SCNN1B: variants seen among roughly 807,000 people sequenced by gnomAD.
The protein encoded by SCNN1B is epithelial sodium channel subunit beta.
A neutral mutation model predicts 65.3 loss-of-function variants in SCNN1B; 46 were observed. That is an observed-to-expected ratio of 0.70 (90% CI 0.56 to 0.90). The LOEUF (loss-of-function observed/expected upper bound fraction) is 0.90, where lower values mean the gene tolerates loss of function less well. Among genes scored for constraint, SCNN1B ranks in the 40% least tolerant of loss-of-function variants. The pLI is 0.00. For missense variants in SCNN1B, 751 were observed against 830.5 expected (o/e 0.90, Z 1.18); for synonymous variants, 349 against 330.6 (o/e 1.06, Z -0.60).
chr16:23,322,844 G>C (rs538908995), intron 1 of SCNN1B, among the ~76,000 whole-genome samples: 1 of 152,144 alleles, frequency 6.6e-6, no homozygotes, highest in Non-Finnish European at 1.5e-5. Flanking sequence ...TACGTGTGCA[G>C]TTCAGTGGTC....
chr16:23,371,394 T>C lies in SCNN1B; in HGVS notation c.976T>C (p.Tyr326His), dbSNP rs1386482774. 6.2e-7 allele frequency: 1 copy of C among 1,614,116 alleles called. No individual in the cohort carries two copies. The highest frequency in any genetic ancestry group is 8.5e-7 in the Non-Finnish European group (1 of 1,179,990). Reference sequence around the variant, plus strand: ...GCTGATGCTTCACGAGCAGAGGTCATACCCCTTCATCAGAGATGAGGGCAT... The same window carrying C: ...GCTGATGCTTCACGAGCAGAGGTCACACCCCTTCATCAGAGATGAGGGCAT... ...VRLMLHEQRS[Y>H]PFIRDEGIYA... The change falls in exon 6 of 13, where the codon TAC becomes CAC. Residue 326 changes from tyrosine to histidine, a missense_variant. Transcript: ENST00000343070.
intron 2 of SCNN1B, among the ~76,000 whole-genome samples, chr16:23,292,440 G>A (rs551421438): frequency 8.6e-5 from 13 of 151,870 alleles, no homozygotes; most frequent in East Asian, 7.8e-4. Flanking sequence ...CTCGTGATCC[G>A]CCCGCCTTGG....
rs1042193654 is a variant in SCNN1B at position 23,380,709 on chromosome 16, C to G, written c.1831C>G (p.Pro611Ala). 3 of 1,612,166 alleles carry G rather than the reference C, an allele frequency of 1.9e-6. No homozygotes were observed. In the African/African-American group the frequency reaches 4.0e-5, roughly 22 times the overall value. ...GCCCTACCCCAGTGAGCAGGCCCTG[C>G]CCATCCCAGGCACCCCGCCCCCCAA... is the stretch of plus-strand genomic sequence containing the variant. ...TGPYPSEQAL[P>A]IPGTPPPNYD... Residue 611 changes from proline to alanine, a missense_variant, in exon 13 of 13, where the codon CCC becomes GCC. Physicochemically the swap from Pro to Ala is conservative, Grantham distance 27. Transcript: ENST00000343070. This position sits in a 1 kb window ranked among gnomAD's most constrained non-coding sequence, Gnocchi z 5.4.
chr16:23,355,422 G>A lies in SCNN1B; in HGVS notation c.709G>A (p.Glu237Lys), dbSNP rs370704276. 5 of 1,614,094 alleles carry A rather than the reference G, an allele frequency of 3.1e-6. No homozygotes were observed. The African/African-American group carries it at 4.0e-5, about 13-fold the overall frequency. Reference protein sequence around the residue: ...FAQVPQQELVEMSYPGEQMIL... With the variant: ...FAQVPQQELVKMSYPGEQMIL... ...ACAGGTGCCACAGCAGGAGCTAGTA[G>A]AGATGAGCTACCCCGGCGAGCAGAT... Residue 237 changes from glutamate to lysine, a missense_variant, in exon 4 of 13, where the codon GAG (glutamate) becomes AAG (lysine). Physicochemically the swap from Glu to Lys is moderately conservative, Grantham distance 56. Coordinates refer to ENST00000343070, the MANE Select transcript of SCNN1B (RefSeq NM_000336.3).
rs59140961 is a variant in SCNN1B, at chr16:23,325,922, T to TAAATAAATAAATAAATAA, written c.-8-22669_-8-22668insAATAAATAAATAAATAAA. On this transcript the variant is annotated intron_variant, in intron 1 of 12. Transcript: ENST00000343070. ...ATAAATAAATAAATAAATAAATAAATATAAATAAAAGCCACACAGCTGTAG... is the reference window on the plus strand; with the variant it reads ...ATAAATAAATAAATAAATAAATAAATAAATAAATAAATAAATAAATAAATAAAAGCCACACAGCTGTAG... Among the ~76,000 whole-genome samples, 254 of 147,726 alleles carry TAAATAAATAAATAAATAA rather than the reference T, an allele frequency of 1.7e-3. 2 individuals carry two copies. The highest frequency in any genetic ancestry group is 3.2e-3 in the East Asian group (16 of 4,932).
chr16:23,306,864 G>A (rs1961229922), intron 1 of SCNN1B, among the ~76,000 whole-genome samples: 1 of 152,192 alleles, frequency 6.6e-6, no homozygotes, highest in South Asian at 2.1e-4. Flanking sequence ...TTGAGAAAAG[G>A]AACTTGAGGC....
rs537251652 is a variant in SCNN1B at position 23,371,410 on chromosome 16, A to G, written c.992A>G (p.Asp331Gly). The G allele has an allele frequency of 6.2e-7, 1 of 1,614,074 alleles. No homozygotes were observed. ...CAGAGGTCATACCCCTTCATCAGAGATGAGGGCATCTACGCCATGTCGGGG... is the reference window on the plus strand; with the variant it reads ...CAGAGGTCATACCCCTTCATCAGAGGTGAGGGCATCTACGCCATGTCGGGG... ...HEQRSYPFIR[D>G]EGIYAMSGTE... is the part of the protein sequence containing the mutation. Residue 331 changes from aspartate (D) to glycine (G), a missense_variant, in exon 6 of 13, where the codon GAT becomes GGT. By Grantham distance (94) the Asp-to-Gly change is moderately conservative (BLOSUM62 -1). Coordinates refer to ENST00000343070, the MANE Select transcript of SCNN1B (RefSeq NM_000336.3).
intron 1 of SCNN1B, among the ~76,000 whole-genome samples, chr16:23,318,669 C>A (rs978676150): frequency 2.0e-5 from 3 of 152,148 alleles, no homozygotes; most frequent in African/African-American, 7.2e-5. Context: ...TCTAGCTCTC[C>A]CTGTCTTTCA....
At chr16:23,351,984 A>G (rs1475601269) in intron 2 of SCNN1B, among the ~76,000 whole-genome samples, 1 of 152,172 alleles carries the variant, frequency 6.6e-6, no homozygotes, top group East Asian at 1.9e-4. Flanking sequence ...GCAAAATCAC[A>G]CCAACTCCTG....
intron 1 of SCNN1B, among the ~76,000 whole-genome samples, chr16:23,322,830 T>C (rs1484226481): frequency 6.6e-6 from 1 of 152,106 alleles, no homozygotes; most frequent in African/African-American, 2.4e-5. Flanking sequence ...ACTGTGATCA[T>C]TTTTACGTGT....
At chr16:23,368,103 T>C (rs1462588333) in intron 5 of SCNN1B, 144 bp downstream of exon 5, 2 of 764,876 alleles carry the variant, frequency 2.6e-6, no homozygotes, top group African/African-American at 1.7e-5. Flanking sequence ...GAGGCTCTAC[T>C]GTGTGCCAGG....
At chr16:23,350,634 C>T (rs559054196) in intron 2 of SCNN1B, among the ~76,000 whole-genome samples, 8 of 152,258 alleles carry the variant, frequency 5.3e-5, no homozygotes, top group Admixed American at 1.3e-4. Flanking sequence ...GAGTCCTGAC[C>T]GGGCACAGTG....
At chr16:23,307,556 G>A (rs111287141) in intron 1 of SCNN1B, among the ~76,000 whole-genome samples, 5,521 of 152,150 alleles carry the variant, frequency 0.036, 121 homozygotes, top group African/African-American at 0.058. Context: ...CTGACCTCAG[G>A]TGATCTGCCC....
chr16:23,329,943 T>C (rs1961776332), intron 1 of SCNN1B, among the ~76,000 whole-genome samples: 1 of 151,938 alleles, frequency 6.6e-6, no homozygotes, highest in Admixed American at 6.6e-5. Flanking sequence ...GGAGAATCAC[T>C]TGAGCCCAGG....
chr16:23,301,359 C>CAAAAAAAAAAAAAA (rs369302758), upstream of SCNN1B, among the ~76,000 whole-genome samples: 2 of 120,410 alleles, frequency 1.7e-5, no homozygotes, highest in African/African-American at 7.3e-5. Flanking sequence ...GAGACTCTGT[C>CAAAAAAAAAAAAAA]AAAAAAAAAA....
chr16:23,302,051 G>C (rs1567288727), upstream of SCNN1B, among the ~76,000 whole-genome samples: 1 of 152,148 alleles, frequency 6.6e-6, no homozygotes, highest in Non-Finnish European at 1.5e-5. Flanking sequence ...CGGATGAGGG[G>C]TCTGTGGACA....
intron 1 of SCNN1B, among the ~76,000 whole-genome samples, chr16:23,308,002 C>A (rs1410058800): frequency 6.6e-6 from 1 of 150,588 alleles, no homozygotes; most frequent in African/African-American, 2.4e-5. Context: ...CTATGATCAT[C>A]TGATTGCACC....
At chr16:23,344,500 C>T (rs1036506111) in intron 1 of SCNN1B, among the ~76,000 whole-genome samples, 5 of 152,230 alleles carry the variant, frequency 3.3e-5, no homozygotes, top group African/African-American at 1.2e-4. Context: ...CTTGGTTCTT[C>T]CCATATGCTT....
At chr16:23,290,107 G>A (rs1045011532) in intron 2 of SCNN1B, among the ~76,000 whole-genome samples, 19 of 152,050 alleles carry the variant, frequency 1.2e-4, no homozygotes, top group Non-Finnish European at 1.6e-4. Context: ...GCACGTCTCC[G>A]TTTTTTTCCC....
Sources: allele counts gnomAD v4.1 joint callset (sites outside exome capture counted in the v4.1 genomes callset), GRCh38; gene constraint gnomAD v4.1.1; non-coding constraint Gnocchi (gnomAD v3.1); transcripts MANE v1.5; gene names NCBI Gene and HGNC (gene_info 2026-07-23, HGNC 2026-07-21).